Variants in IMPG1 observed in about 807,000 individuals in gnomAD.
IMPG1 encodes interphotoreceptor matrix proteoglycan 1, also known as interphotoreceptor matrix proteoglycan of 150 kDa.
Under a neutral mutation model 92.0 loss-of-function variants are expected in IMPG1, and 85 were observed. That is an observed-to-expected ratio of 0.92 (90% confidence interval 0.78 to 1.11). IMPG1 has a LOEUF of 1.11. Among genes scored for constraint, IMPG1 ranks in the 50% least tolerant of loss-of-function variants. The probability of loss-of-function intolerance (pLI) is 0.00; values close to 1 mark genes in which losing one functional copy is unlikely to be tolerated. For synonymous variants in IMPG1, 367 were observed against 334.1 expected (o/e 1.10, Z -1.08); for missense variants, 1,022 against 956.0 (o/e 1.07, Z -0.91).
intron 12 of IMPG1, among the ~76,000 whole-genome samples, chr6:75,970,653 C>T (rs6910444): frequency 0.023 from 3,548 of 152,170 alleles, 57 homozygotes; most frequent in Non-Finnish European, 0.027. Flanking sequence ...CCTTAAAATT[C>T]GTAATTGCCT....
intron 1 of IMPG1, among the ~76,000 whole-genome samples, chr6:76,054,179 T>C (rs75941110): frequency 0.026 from 3,941 of 152,242 alleles, 143 homozygotes; most frequent in African/African-American, 0.087. Flanking sequence ...TAGTGCTTGC[T>C]TATTATGTAG....
rs559734028 is a variant in IMPG1 at position 76,029,442 on chromosome 6, T to C, written c.498-4184A>G. 1.8e-4 allele frequency among the ~76,000 whole-genome samples: 28 copies of C among 152,364 alleles called. 1 individual carries two copies. In the South Asian group the frequency reaches 5.8e-3, roughly 32 times the overall value. ...ACTCAGTCCTATTATGATTTTGTTT[T>C]TAACAAAAATGAGGACTGGAGAGAG... is the stretch of plus-strand genomic sequence containing the variant. On this transcript the variant is annotated intron_variant, in intron 4 of 16. Transcript: ENST00000369950.
intron 2 of IMPG1, among the ~76,000 whole-genome samples, chr6:76,035,418 G>A (rs1392074238): frequency 7.0e-6 from 1 of 143,766 alleles, no homozygotes; most frequent in African/African-American, 2.6e-5. Context: ...AGAATTGCTT[G>A]AACCTGGGAG....
chr6:76,026,499 C>T (rs1190747510), intron 4 of IMPG1, among the ~76,000 whole-genome samples: 1 of 152,172 alleles, frequency 6.6e-6, no homozygotes, highest in Non-Finnish European at 1.5e-5. Context: ...AGCAGCAGCT[C>T]CCCGCTGCTC....
At chr6:75,994,654 T>C (rs528894410) in intron 12 of IMPG1, among the ~76,000 whole-genome samples, 1 of 152,266 alleles carries the variant, frequency 6.6e-6, no homozygotes, top group East Asian at 1.9e-4. Context: ...TTTGTGAGAT[T>C]TATTCACTAT....
intron 10 of IMPG1, among the ~76,000 whole-genome samples, chr6:76,004,748 T>C (rs1783061840): frequency 6.6e-6 from 1 of 152,178 alleles, no homozygotes; most frequent in Non-Finnish European, 1.5e-5. Flanking sequence ...AATGGTTCCT[T>C]GGGCTCTGTC....
intron 7 of IMPG1, among the ~76,000 whole-genome samples, chr6:76,011,520 T>G (rs1340298383): frequency 6.6e-6 from 1 of 152,112 alleles, no homozygotes; most frequent in Non-Finnish European, 1.5e-5. Context: ...TTACTTTAAA[T>G]AAAATATAAA....
rs113098405 is a variant in IMPG1, at chr6:75,972,512, G to A, written c.1292-21418C>T. 4.5e-3 allele frequency among the ~76,000 whole-genome samples: 677 copies of A among 151,662 alleles called. 5 individuals carry two copies. Among genetic ancestry groups the A allele is most frequent in the African/African-American group, 0.015 (634 of 41,310 alleles). ...TTCTTCATATGACTTAATAAGACCT[G>A]CTGTCCACTCTTTCTCATGACCTCC... is the stretch of plus-strand genomic sequence containing the variant. On this transcript the variant is annotated intron_variant, in intron 12 of 16. Transcript: ENST00000369950.
intron 15 of IMPG1, among the ~76,000 whole-genome samples, chr6:75,930,565 A>G (rs1234444806): frequency 6.6e-6 from 1 of 152,208 alleles, no homozygotes; most frequent in Non-Finnish European, 1.5e-5. Context: ...CTAACAGGAA[A>G]AATCAAATTT....
rs961976359 is a variant in IMPG1 at position 76,060,994 on chromosome 6, T to C, written c.67+11428A>G. Among the ~76,000 whole-genome samples the C allele has an allele frequency of 2.6e-5, 4 of 152,218 alleles. No homozygotes were observed. In the South Asian group the frequency reaches 8.3e-4, roughly 32 times the overall value. Reference sequence around the variant, plus strand: ...ATGAAAATGATAGTGGCACCAAAGGTATAGAGAATCTGAATTTCCAGACAT... The same window carrying C: ...ATGAAAATGATAGTGGCACCAAAGGCATAGAGAATCTGAATTTCCAGACAT... On this transcript the variant is annotated intron_variant, in intron 1 of 16. Coordinates refer to ENST00000369950, the MANE Select transcript of IMPG1 (RefSeq NM_001563.4).
chr6:76,023,248 A>T (rs974529541), intron 5 of IMPG1, among the ~76,000 whole-genome samples: 2 of 152,186 alleles, frequency 1.3e-5, no homozygotes, highest in African/African-American at 4.8e-5. Flanking sequence ...TCATTGAAGA[A>T]TCCTGCTGTG....
chr6:76,014,472 C>A (rs1379824254), intron 7 of IMPG1, among the ~76,000 whole-genome samples: 1 of 152,178 alleles, frequency 6.6e-6, no homozygotes, highest in African/African-American at 2.4e-5. Flanking sequence ...TTCTGCAAAG[C>A]TAGTCTTTAT....
chr6:75,948,122 T>A (rs990813638), intron 13 of IMPG1, among the ~76,000 whole-genome samples: 2 of 152,180 alleles, frequency 1.3e-5, no homozygotes, highest in East Asian at 3.8e-4. Flanking sequence ...TAACTAGCCA[T>A]GTGACCTTTA....
In IMPG1 at chr6:76,037,948, T is replaced by A. The variant is rs188052473; in HGVS notation, c.302-3161A>T. Reference sequence around the variant, plus strand: ...TCTCCGATTAAGACTTGCTTTTATTTCATTCCAATTTAAGTCTTGAACTAA... The same window carrying A: ...TCTCCGATTAAGACTTGCTTTTATTACATTCCAATTTAAGTCTTGAACTAA... On this transcript the variant is annotated intron_variant, in intron 2 of 16. Transcript: ENST00000369950. 6.6e-5 allele frequency among the ~76,000 whole-genome samples: 10 copies of A among 152,340 alleles called. No homozygotes were observed. The East Asian group carries it at 1.9e-3, about 29-fold the overall frequency.
At chr6:76,006,710 TAGAA>T (rs1582099821) in intron 9 of IMPG1, among the ~76,000 whole-genome samples, 1 of 152,026 alleles carries the variant, frequency 6.6e-6, no homozygotes, top group Non-Finnish European at 1.5e-5. Flanking sequence ...AATAACATCT[TAGAA>T]GGAAGGTGTG....
At chr6:76,039,496 C>A (rs1202664835) in intron 2 of IMPG1, among the ~76,000 whole-genome samples, 1 of 152,046 alleles carries the variant, frequency 6.6e-6, no homozygotes, top group Non-Finnish European at 1.5e-5. Flanking sequence ...GCTGGGATTA[C>A]AGGCGTGCGC....
chr6:75,947,263 TA>T, intron 14 of IMPG1, 50 bp downstream of exon 14: 1 of 1,106,634 alleles, frequency 9.0e-7, no homozygotes, highest in Non-Finnish European at 1.2e-6. Context: ...AGAACGAAAT[TA>T]AAAAAATGAA....
In IMPG1 at chr6:76,025,023, C is replaced by T. The variant is rs1171971421; in HGVS notation, c.562+171G>A. 4.7e-6 allele frequency: 3 copies of T among 637,086 alleles called. No homozygotes were observed. The South Asian group carries it at 4.9e-5, about 10-fold the overall frequency. 39.5% of individuals were successfully genotyped at this position (637,086 alleles called of 1,614,324 possible). ...TTACCTTTATTCTTTTCTGTATTTT[C>T]CAAGTTGTATGCAATAAATTTAAAT... On this transcript the variant is annotated intron_variant, in intron 5 of 16. Transcript: ENST00000369950.
intron 15 of IMPG1, among the ~76,000 whole-genome samples, chr6:75,929,323 T>C (rs2149449609): frequency 6.6e-6 from 1 of 152,302 alleles, no homozygotes; most frequent in East Asian, 1.9e-4. Flanking sequence ...TGGATTTCCC[T>C]GATGATAGTG....
Sources: gnomAD v4.1 joint callset for allele counts (sites outside exome capture counted in the v4.1 genomes callset) on GRCh38, gnomAD v4.1.1 for gene constraint, MANE v1.5 for transcripts, NCBI Gene and HGNC (gene_info 2026-07-23, HGNC 2026-07-21) for gene names.